The following UTY variants were observed in gnomAD, a reference collection of about 807,000 sequenced individuals.
The protein encoded by UTY is ubiquitously transcribed tetratricopeptide repeat containing, Y-linked.
Under a neutral mutation model 32.5 loss-of-function variants are expected in UTY, and 12 were observed. That is an observed-to-expected ratio of 0.37 (90% CI 0.24 to 0.60). The LOEUF (loss-of-function observed/expected upper bound fraction) is 0.60. Ranked by LOEUF, UTY falls within the 20% of genes least tolerant of loss-of-function variation. The pLI is 0.69. For synonymous variants in UTY, 131 were observed against 103.4 expected (o/e 1.27, Z -1.62); for missense variants, 303 against 299.2 (o/e 1.01, Z -0.09).
At chrY:13,328,262 A>G in intron 18 of UTY, among the ~76,000 whole-genome samples, 1 of 33,697 alleles carries the variant, frequency 3.0e-5, no homozygotes, top group South Asian at 6.5e-4. Flanking sequence ...CAACAACAAC[A>G]ACAAAACAAT....
rs200756575 is a variant in UTY at position 13,464,859 on chromosome Y, A to T, written c.325+5262T>A. On this transcript the variant is annotated intron_variant, in intron 3 of 29. Transcript: ENST00000545955. ...CTTGGGAGGCCAAGGCGGGTGGATC[A>T]TGAGGTCAGGAGATCAAGACCATCC... Among the ~76,000 whole-genome samples the T allele has an allele frequency of 1.8e-3, 60 of 33,248 alleles. No individual in the cohort carries two copies. In the East Asian group the frequency reaches 0.046, roughly 26 times the overall value. The allele number at this position is 33,248 out of a possible 37,273, so 89.2% of individuals were successfully genotyped here.
Position 13,404,727 on chromosome Y carries a change from TAC to T in UTY, c.555+6264_555+6265del, listed in dbSNP as rs200761802. 1.9e-3 allele frequency among the ~76,000 whole-genome samples: 63 copies of T among 33,138 alleles called. No homozygotes were observed. In the East Asian group the frequency reaches 0.049, roughly 26 times the overall value. The allele number at this position is 33,138 out of a possible 37,273, so 88.9% of individuals were successfully genotyped here. A position where few individuals can be genotyped will look rare whatever the true frequency, so the allele number is the denominator to read the frequency against. On this transcript the variant is annotated intron_variant, in intron 6 of 29. Transcript: ENST00000545955. ...ATCACTGGGAAAAGCAAATGAAAAT[TAC>T]AGTGAGATATCACCCCATACATTTA...
intron 25 of UTY, among the ~76,000 whole-genome samples, chrY:13,300,439 C>T (rs2148741874): frequency 6.6e-5 from 2 of 30,139 alleles, no homozygotes; most frequent in African/African-American, 2.6e-4. Context: ...GGGCAGGGGG[C>T]GGGGTGTGCG....
intron 2 of UTY, among the ~76,000 whole-genome samples, chrY:13,476,829 T>C: frequency 3.3e-5 from 1 of 30,084 alleles, no homozygotes; most frequent in African/African-American, 1.3e-4. Context: ...GGTTCACGTA[T>C]GAGGTCAAAA....
intron 28 of UTY, among the ~76,000 whole-genome samples, chrY:13,258,490 T>A (rs2054974016): frequency 2.9e-5 from 1 of 33,952 alleles, no homozygotes; most frequent in South Asian, 6.6e-4. Flanking sequence ...TAGAAACTAT[T>A]AATAGCTCTT....
At position 13,355,184 on chromosome Y, in the gene UTY, G is replaced by T. The variant is rs764580449; in HGVS notation, c.1880C>A (p.Thr627Lys). ...GTCTGTACTTCCTAGAATTTTTGATGTGCCACAAGGAATACAGCCTGCAGA... is the reference window on the plus strand; with the variant it reads ...GTCTGTACTTCCTAGAATTTTTGATTTGCCACAAGGAATACAGCCTGCAGA... ...AFSAGCIPCG[T>K]SKILGSTDTI... The change falls in exon 17 of 30, where the codon ACA becomes AAA. Residue 627 changes from threonine (T) to lysine (K), a missense_variant. Coordinates refer to ENST00000545955, the MANE Select transcript of UTY (RefSeq NM_001258249.2). 1 of 396,849 alleles carries T rather than the reference G, an allele frequency of 2.5e-6. No homozygotes were observed. The highest frequency in any genetic ancestry group is 9.2e-5 in the East Asian group (1 of 10,821).
downstream of UTY, among the ~76,000 whole-genome samples, chrY:13,246,051 G>T (rs2053944854): frequency 3.0e-5 from 1 of 33,183 alleles, no homozygotes; most frequent in African/African-American, 1.2e-4. Flanking sequence ...TGCCTCCCAG[G>T]TTCAAGTGAT....
intron 4 of UTY, among the ~76,000 whole-genome samples, chrY:13,417,981 T>C: frequency 6.3e-5 from 2 of 31,671 alleles, no homozygotes; most frequent in African/African-American, 2.5e-4. Context: ...TTGTTACGTA[T>C]GTATACATGT....
At chrY:13,251,419 A>T (rs2054152786) in intron 28 of UTY, among the ~76,000 whole-genome samples, 1 of 34,066 alleles carries the variant, frequency 2.9e-5, no homozygotes, top group Admixed American at 2.6e-4. Flanking sequence ...GATTGTCTTT[A>T]AAGAAATTAA....
intron 17 of UTY, chrY:13,354,704 CATAAT>C (rs2062676360): frequency 6.5e-6 from 1 of 153,819 alleles, no homozygotes; most frequent in African/African-American, 8.8e-5. Context: ...TGCAAACTGA[CATAAT>C]ATAGTGTAAA....
At chrY:13,321,234 T>C (rs528884582) in intron 21 of UTY, among the ~76,000 whole-genome samples, 1 of 33,276 alleles carries the variant, frequency 3.0e-5, no homozygotes. Flanking sequence ...TAATGGGAAA[T>C]TGGAGAAAGA....
intron 27 of UTY, among the ~76,000 whole-genome samples, chrY:13,261,335 T>C: frequency 4.5e-4 from 15 of 32,985 alleles, no homozygotes; most frequent in Non-Finnish European, 1.1e-3. Context: ...ACATACCAAA[T>C]ATTTGGGGGG....
intron 18 of UTY, among the ~76,000 whole-genome samples, chrY:13,330,126 T>C (rs2060576685): frequency 3.0e-5 from 1 of 33,650 alleles, no homozygotes; most frequent in African/African-American, 1.2e-4. Flanking sequence ...ATGATCCTAA[T>C]AACCAATAAA....
intron 27 of UTY, among the ~76,000 whole-genome samples, chrY:13,281,267 C>T (rs754923154): frequency 7.1e-4 from 24 of 33,792 alleles, no homozygotes. Flanking sequence ...AGTGTGAATT[C>T]CTTTAGTTTT....
At chrY:13,355,486 TA>T in intron 16 of UTY, 88 bp from the exon 17 acceptor site, 1 of 326,428 alleles carries the variant, frequency 3.1e-6, no homozygotes, top group Non-Finnish European at 4.4e-6. Context: ...TTCATGTCTC[TA>T]AAAAAACATA....
chrY:13,476,069 C>T, intron 2 of UTY: 1 of 226,357 alleles, frequency 4.4e-6, no homozygotes, highest in Non-Finnish European at 5.3e-6. Flanking sequence ...CAGAAAAGTG[C>T]CCATTTATTA....
intron 4 of UTY, among the ~76,000 whole-genome samples, chrY:13,415,867 G>A: frequency 2.9e-5 from 1 of 34,016 alleles, no homozygotes; most frequent in Non-Finnish European, 7.3e-5. Context: ...AGAACAGCAG[G>A]TTTTCAGTCT....
chrY:13,392,615 C>A (rs929722459), intron 8 of UTY, among the ~76,000 whole-genome samples: 2 of 33,394 alleles, frequency 6.0e-5, no homozygotes, highest in Non-Finnish European at 1.5e-4. Flanking sequence ...ACAGATAATT[C>A]TTAAAAACTT....
At chrY:13,256,449 A>T (rs2054722128) in intron 28 of UTY, among the ~76,000 whole-genome samples, 1 of 33,730 alleles carries the variant, frequency 3.0e-5, no homozygotes, top group African/African-American at 1.2e-4. Context: ...TTTTCTTTCC[A>T]TTTAGGAAAA....
Sources: gnomAD v4.1 joint callset for allele counts (sites outside exome capture counted in the v4.1 genomes callset) on GRCh38, gnomAD v4.1.1 for gene constraint, MANE v1.5 for transcripts, NCBI Gene and HGNC (gene_info 2026-07-23, HGNC 2026-07-21) for gene names.